The following PTPRD variants were observed in gnomAD, a reference collection of about 807,000 sequenced individuals.
The protein encoded by PTPRD is receptor-type tyrosine-protein phosphatase delta.
In PTPRD, 34 loss-of-function variants were observed where a neutral mutation model predicts 214.5. The observed-to-expected ratio is 0.16, with a 90% CI of 0.12 to 0.21. The LOEUF (loss-of-function observed/expected upper bound fraction) is 0.21. Among genes scored for constraint, PTPRD ranks in the 10% least tolerant of loss-of-function variants. PTPRD has a pLI of 1.00. For synonymous variants in PTPRD, 1,128 were observed against 845.7 expected (o/e 1.33, Z -5.79); for missense variants, 2,545 against 2,398.7 (o/e 1.06, Z -1.27).
intron 5 of PTPRD, among the ~76,000 whole-genome samples, chr9:9,792,107 A>G (rs538489037): frequency 1.7e-3 from 141 of 81,642 alleles, no homozygotes; most frequent in African/African-American, 8.4e-3. Context: ...GGCCAGTGAG[A>G]TTTTCTGACA....
chr9:10,080,929 C>G (rs1466648103), intron 3 of PTPRD, among the ~76,000 whole-genome samples: 1 of 151,836 alleles, frequency 6.6e-6, no homozygotes, highest in Admixed American at 6.6e-5. Context: ...TAAATTATGA[C>G]CATATATTTG....
At chr9:9,313,429 C>T (rs1376570881) in intron 9 of PTPRD, among the ~76,000 whole-genome samples, 2 of 152,000 alleles carry the variant, frequency 1.3e-5, no homozygotes, top group African/African-American at 2.4e-5. Flanking sequence ...AAAGAATTAG[C>T]GTAAATAAGT....
intron 15 of PTPRD, chr9:8,528,340 A>C: frequency 4.0e-6 from 2 of 497,188 alleles, no homozygotes; most frequent in Middle Eastern, 2.8e-4. Flanking sequence ...ATTACCAAAA[A>C]TACAGTCACA....
At chr9:10,306,281 G>A (rs926144908) in intron 3 of PTPRD, among the ~76,000 whole-genome samples, 1 of 151,690 alleles carries the variant, frequency 6.6e-6, no homozygotes, top group Admixed American at 6.6e-5. Context: ...GTGGGGTGGG[G>A]GGGGCTAGGG....
At chr9:10,227,094 C>T (rs760858614) in intron 3 of PTPRD, among the ~76,000 whole-genome samples, 8 of 151,970 alleles carry the variant, frequency 5.3e-5, no homozygotes, top group East Asian at 1.9e-4. Context: ...GACTATCACA[C>T]GAAAAATTAA....
intron 11 of PTPRD, among the ~76,000 whole-genome samples, chr9:8,916,279 A>G (rs2098785335): frequency 6.6e-6 from 1 of 152,172 alleles, no homozygotes; most frequent in Non-Finnish European, 1.5e-5. Context: ...TAGAGGAGAG[A>G]GAGAGAGAGA....
chr9:9,433,292 G>C (rs12338542), intron 8 of PTPRD, among the ~76,000 whole-genome samples: 1,816 of 152,180 alleles, frequency 0.012, 34 homozygotes, highest in African/African-American at 0.04. Flanking sequence ...GTTGATCTGG[G>C]ATCAGTAGGA....
intron 9 of PTPRD, among the ~76,000 whole-genome samples, chr9:9,372,364 G>C (rs904751559): frequency 7.2e-5 from 11 of 152,126 alleles, no homozygotes; most frequent in Admixed American, 2.6e-4. Context: ...TTACAATTAT[G>C]TAATGGCCTT....
At chr9:10,362,197 C>T (rs2097405439) in intron 2 of PTPRD, among the ~76,000 whole-genome samples, 1 of 152,190 alleles carries the variant, frequency 6.6e-6, no homozygotes, top group Non-Finnish European at 1.5e-5. Context: ...GAGAAACGTA[C>T]TAGTGAAATG....
intron 7 of PTPRD, among the ~76,000 whole-genome samples, chr9:9,712,306 T>C (rs1261608457): frequency 6.6e-6 from 1 of 152,200 alleles, no homozygotes; most frequent in Non-Finnish European, 1.5e-5. Flanking sequence ...ATAAAATTCA[T>C]CAGATTTTTT....
intron 39 of PTPRD, among the ~76,000 whole-genome samples, chr9:8,348,493 G>C (rs371298069): frequency 6.6e-6 from 1 of 151,968 alleles, no homozygotes; most frequent in Non-Finnish European, 1.5e-5. Flanking sequence ...ATTGCTTCAC[G>C]GTCTTTGTTG....
At chr9:10,030,049 C>T (rs2097025347) in intron 4 of PTPRD, among the ~76,000 whole-genome samples, 2 of 152,136 alleles carry the variant, frequency 1.3e-5, no homozygotes, top group Admixed American at 6.5e-5. Context: ...GCTTTCTTCT[C>T]CTGTCTGCCA....
chr9:9,881,277 C>G (rs552538965), intron 5 of PTPRD, among the ~76,000 whole-genome samples: 1 of 152,178 alleles, frequency 6.6e-6, no homozygotes, highest in Admixed American at 6.5e-5. Context: ...ATATCTACAA[C>G]TTGACTATCA....
intron 11 of PTPRD, among the ~76,000 whole-genome samples, chr9:8,772,017 T>C (rs1159580805): frequency 6.6e-6 from 1 of 152,114 alleles, no homozygotes; most frequent in East Asian, 1.9e-4. Flanking sequence ...CCACCTACCC[T>C]GATGTGATTA....
intron 11 of PTPRD, among the ~76,000 whole-genome samples, chr9:9,009,070 C>G (rs568611380): frequency 9.2e-5 from 14 of 152,126 alleles, no homozygotes; most frequent in African/African-American, 3.4e-4. Flanking sequence ...TATAATCAGG[C>G]TAATGTATGT....
Position 8,499,638 on chromosome 9 carries a change from G to C in PTPRD, c.2322+9C>G, listed in dbSNP as rs1182643854. 2 of 1,604,874 alleles carry C rather than the reference G, an allele frequency of 1.2e-6. No homozygotes were observed. The highest frequency in any genetic ancestry group is 1.1e-5 in the South Asian group (1 of 89,004). Reference sequence around the variant, plus strand: ...ATAAAAACAGAGGTACATAATTTCAGAGGCTTACCTGTGCATCAGCCAGCA... The same window carrying C: ...ATAAAAACAGAGGTACATAATTTCACAGGCTTACCTGTGCATCAGCCAGCA... On this transcript the variant is annotated intron_variant, in intron 25 of 45. Transcript: ENST00000381196.
At chr9:9,432,968 G>A (rs2083796509) in intron 8 of PTPRD, among the ~76,000 whole-genome samples, 1 of 152,112 alleles carries the variant, frequency 6.6e-6, no homozygotes. Context: ...AGATTCAGAG[G>A]CCGCTGAAAT....
chr9:8,442,115 A>G (rs950389597), intron 34 of PTPRD, among the ~76,000 whole-genome samples: 3 of 152,154 alleles, frequency 2.0e-5, no homozygotes, highest in African/African-American at 7.2e-5. Context: ...TTTTCCAGTT[A>G]TTTCTTGCCA....
intron 2 of PTPRD, among the ~76,000 whole-genome samples, chr9:10,407,954 T>C (rs2098391236): frequency 6.6e-6 from 1 of 151,578 alleles, no homozygotes; most frequent in Non-Finnish European, 1.5e-5. Flanking sequence ...GGCGATGATT[T>C]CTCAAAAGCT....
Sources: gnomAD v4.1 joint callset for allele counts (sites outside exome capture counted in the v4.1 genomes callset) on GRCh38, gnomAD v4.1.1 for gene constraint, MANE v1.5 for transcripts, NCBI Gene and HGNC (gene_info 2026-07-23, HGNC 2026-07-21) for gene names.